Variants in ODAM observed in about 807,000 individuals in gnomAD.
ODAM encodes the protein odontogenic ameloblast-associated protein.
ODAM carries 55 observed loss-of-function variants against 48.5 expected under a neutral mutation model. The ratio of observed to expected loss-of-function variants is 1.13; its 90% confidence interval spans 0.91 to 1.42. The LOEUF is 1.42. ODAM is among the 40% of genes most tolerant of loss of function. ODAM has a pLI of 0.00. For synonymous variants in ODAM, 127 were observed against 107.8 expected, an observed-to-expected ratio of 1.18 and a Z score of -1.10; for missense variants, 353 against 323.6, an observed-to-expected ratio of 1.09 and a Z score of -0.70.
intron 11 of ODAM, among the ~76,000 whole-genome samples, 177 bp from the exon 12 acceptor site, chr4:70,203,998 T>C (rs1010093696): frequency 2.0e-5 from 3 of 152,016 alleles, no homozygotes; most frequent in Non-Finnish European, 2.9e-5. Flanking sequence ...CAAATCAAGT[T>C]ATTCAGTAAG....
At chr4:70,201,551 C>A in intron 8 of ODAM, 50 bp downstream of exon 8, 1 of 979,244 alleles carries the variant, frequency 1.0e-6, no homozygotes, top group Non-Finnish European at 1.6e-6. Flanking sequence ...CTACTTCCTT[C>A]ATTGTCTACT....
chr4:70,202,006 G>T (rs2109820081), intron 8 of ODAM, among the ~76,000 whole-genome samples: 1 of 151,960 alleles, frequency 6.6e-6, no homozygotes, highest in East Asian at 1.9e-4. Context: ...GTGTTCTGTA[G>T]AATTCTTTAT....
Position 70,196,538 on chromosome 4 carries a change from A to G in ODAM, c.-6A>G. The G allele has an allele frequency of 6.4e-7, 1 of 1,557,368 alleles. No homozygotes were observed. Among genetic ancestry groups the G allele is most frequent in the Non-Finnish European group, 8.8e-7 (1 of 1,137,810 alleles). ...ACAACTTATTTTCTAGATATATCAT[A>G]CGAAAATGAAAATTATAATTCTTCT... On this transcript the variant is annotated 5_prime_UTR_variant, in exon 2 of 12. In the 5' UTR this introduces an upstream ATG that the reference lacks. Transcript: ENST00000683306.
At chr4:70,202,640 T>TA in intron 9 of ODAM, 116 bp from the exon 10 acceptor site, 3 of 716,202 alleles carry the variant, frequency 4.2e-6, no homozygotes, top group Non-Finnish European at 6.8e-6. Flanking sequence ...TAATAGCAAC[T>TA]CTTTTTTTAA....
In ODAM at chr4:70,202,754, A is replaced by G; in HGVS notation, c.649-2A>G. ...CTTTGTTTTCATTCTCATTCTCTGT[A>G]GTCAACAGGAGAAGAGATACCATAT... On this transcript the variant is annotated splice_acceptor_variant, in intron 9 of 11. Transcript: ENST00000683306. LOFTEE classifies it high-confidence loss of function. 4 of 1,602,608 alleles carry G rather than the reference A, an allele frequency of 2.5e-6. No homozygotes were observed. Among genetic ancestry groups the G allele is most frequent in the Non-Finnish European group, 3.4e-6 (4 of 1,174,978 alleles).
At chr4:70,202,071 A>T (rs1341384960) in intron 8 of ODAM, among the ~76,000 whole-genome samples, 187 bp from the exon 9 acceptor site, 2 of 151,986 alleles carry the variant, frequency 1.3e-5, no homozygotes, top group African/African-American at 4.8e-5. Context: ...TAGCACTTTC[A>T]GAACAGAAGC....
At position 70,196,565 on chromosome 4, in the gene ODAM, G is replaced by T; in HGVS notation, c.22G>T (p.Gly8Ter). Residue 8 changes from glycine to a stop codon, truncating the protein, a stop_gained, in exon 2 of 12, where the codon GGA becomes TGA. Coordinates refer to ENST00000683306, the MANE Select transcript of ODAM (RefSeq NM_017855.4). LOFTEE classifies it high-confidence loss of function. Reference sequence around the variant, plus strand: ...GAAAATGAAAATTATAATTCTTCTTGGATTCCTGGGAGCCACATTGTCAGC... The same window carrying T: ...GAAAATGAAAATTATAATTCTTCTTTGATTCCTGGGAGCCACATTGTCAGC... MKIIILL[G>*]FLGATLSAPL... is the part of the protein sequence containing the mutation. 1.9e-6 allele frequency: 3 copies of T among 1,592,860 alleles called. No homozygotes were observed. The highest frequency in any genetic ancestry group is 2.6e-6 in the Non-Finnish European group (3 of 1,164,602).
Position 70,202,902 on chromosome 4 carries a change from G to C in ODAM, c.795G>C (p.Glu265Asp). The C allele has an allele frequency of 6.2e-7, 1 of 1,608,766 alleles. No individual in the cohort carries two copies. Among genetic ancestry groups the C allele is most frequent in the African/African-American group, 1.3e-5 (1 of 74,520 alleles). ...CTGTAGACCAAACTATTACCCCAGA[G>C]CTCCCAGAAGAGAAGGTAGAGTCAT... ...TSAVDQTITP[E>D]LPEEKDKTDS... The change falls in exon 10 of 12, where the codon GAG becomes GAC. Residue 265 changes from glutamate (E) to aspartate (D), a missense_variant. By Grantham distance (45) the Glu-to-Asp change is conservative. Transcript: ENST00000683306.
rs147958054 is a variant in ODAM at position 70,201,109 on chromosome 4, C to T, written c.529-345C>T. Among the ~76,000 whole-genome samples the T allele has an allele frequency of 8.2e-3, 1,251 of 151,872 alleles. 23 individuals are homozygous for T. Among genetic ancestry groups the T allele is most frequent in the African/African-American group, 0.029 (1,200 of 41,488 alleles). On this transcript the variant is annotated intron_variant, in intron 7 of 11. Coordinates refer to ENST00000683306, the MANE Select transcript of ODAM (RefSeq NM_017855.4). Reference sequence around the variant, plus strand: ...TGGCTCATATATTATTAACATCCTTCCTGTTAGAATGAAAATGTCTTTTTT... The same window carrying T: ...TGGCTCATATATTATTAACATCCTTTCTGTTAGAATGAAAATGTCTTTTTT...
intron 6 of ODAM, 67 bp from the exon 7 acceptor site, chr4:70,200,430 G>A: frequency 1.3e-6 from 1 of 780,420 alleles, no homozygotes. Flanking sequence ...ATTGACATTA[G>A]AAGATAAAAA....
intron 1 of ODAM, among the ~76,000 whole-genome samples, chr4:70,196,150 A>G (rs891916869): frequency 2.6e-5 from 4 of 152,004 alleles, no homozygotes; most frequent in Non-Finnish European, 4.4e-5. Context: ...TGCTGCAGTA[A>G]TAAGTCCCTA....
intron 8 of ODAM, 133 bp from the exon 9 acceptor site, chr4:70,202,125 C>T: frequency 1.5e-6 from 1 of 665,572 alleles, no homozygotes; most frequent in Non-Finnish European, 2.7e-6. Flanking sequence ...AAAAATTAAA[C>T]TATTATTTCT....
rs1206592500 is a variant in ODAM, at chr4:70,200,483, C to G, written c.424-14C>G. The G allele has an allele frequency of 6.9e-7, 1 of 1,442,870 alleles. No individual in the cohort carries two copies. Among genetic ancestry groups the G allele is most frequent in the Non-Finnish European group, 9.7e-7 (1 of 1,031,926 alleles). 89.4% of individuals were successfully genotyped at this position (1,442,870 alleles called of 1,614,324 possible). ...TTAATGGAATCTCTTGTATCCTTCT[C>G]TTTTTACAAGTAGATGTTTCAATAC... On this transcript the variant is annotated splice_polypyrimidine_tract_variant and intron_variant, in intron 6 of 11. Coordinates refer to ENST00000683306, the MANE Select transcript of ODAM (RefSeq NM_017855.4).
Position 70,196,683 on chromosome 4 carries a change from T to A in ODAM, c.52-9T>A, listed in dbSNP as rs1463547865. On this transcript the variant is annotated splice_polypyrimidine_tract_variant and intron_variant, in intron 2 of 11. Transcript: ENST00000683306. ...CTATTTCTGATTTTTTTTTCATTTT[T>A]ACTTTTAGCTTATCCCACAGCGTCT... The A allele has an allele frequency of 6.2e-7, 1 of 1,607,684 alleles. No homozygotes were observed. The highest frequency in any genetic ancestry group is 8.5e-7 in the Non-Finnish European group (1 of 1,176,810).
At chr4:70,203,341 A>G (rs558264933) in intron 11 of ODAM, 127 bp downstream of exon 11, 1 of 524,410 alleles carries the variant, frequency 1.9e-6, no homozygotes, top group Non-Finnish European at 3.5e-6. Context: ...AGTTAGCTAT[A>G]TATACCTATA....
At chr4:70,196,083 A>G (rs1259177044) in intron 1 of ODAM, among the ~76,000 whole-genome samples, 2 of 151,996 alleles carry the variant, frequency 1.3e-5, no homozygotes, top group Admixed American at 6.6e-5. Context: ...ATTATCTGGT[A>G]TTGGACTGGT....
chr4:70,203,800 G>A (rs1430239482), intron 11 of ODAM, among the ~76,000 whole-genome samples: 1 of 151,840 alleles, frequency 6.6e-6, no homozygotes, highest in African/African-American at 2.4e-5. Flanking sequence ...AACTTGAAGG[G>A]CAAACTAAAA....
At chr4:70,199,839 C>T (rs1729458563) in intron 6 of ODAM, among the ~76,000 whole-genome samples, 2 of 151,890 alleles carry the variant, frequency 1.3e-5, no homozygotes, top group African/African-American at 4.8e-5. Flanking sequence ...ATAAAAACAG[C>T]ATACAAAAAT....
At chr4:70,200,123 C>T (rs971395440) in intron 6 of ODAM, 9 of 445,662 alleles carry the variant, frequency 2.0e-5, no homozygotes, top group African/African-American at 4.1e-5. Context: ...CCACATTCTG[C>T]AGAATGATGA....
Sources: gnomAD v4.1 joint callset for allele counts (sites outside exome capture counted in the v4.1 genomes callset) on GRCh38, gnomAD v4.1.1 for gene constraint, MANE v1.5 for transcripts, NCBI Gene and HGNC (gene_info 2026-07-23, HGNC 2026-07-21) for gene names.